The following ALG9 variants were observed in gnomAD, a reference collection of about 807,000 sequenced individuals.
The protein encoded by ALG9 is ALG9 alpha-1,2-mannosyltransferase, also known as alpha-1,2-mannosyltransferase ALG9.
In ALG9, 55 loss-of-function variants were observed where a neutral mutation model predicts 81.8. That is an observed-to-expected ratio of 0.67 (90% CI 0.54 to 0.84). The LOEUF is 0.84. Ranked by LOEUF, ALG9 falls within the 40% of genes least tolerant of loss-of-function variation. The pLI, the probability that ALG9 is intolerant of heterozygous loss-of-function variation, is 0.00. For missense variants in ALG9, 629 were observed against 745.0 expected, an observed-to-expected ratio of 0.84 and a Z score of 1.81; for synonymous variants, 278 against 274.3, an observed-to-expected ratio of 1.01 and a Z score of -0.13.
chr11:111,819,933 C>T (rs1952069742), intron 13 of ALG9, among the ~76,000 whole-genome samples: 1 of 152,248 alleles, frequency 6.6e-6, no homozygotes, highest in Non-Finnish European at 1.5e-5. Context: ...CAACTTCCAA[C>T]ACCACGCTGT....
the ALG9 span, among the ~76,000 whole-genome samples, chr11:111,773,898 G>C: frequency 6.6e-6 from 1 of 150,946 alleles, no homozygotes; most frequent in Non-Finnish European, 1.5e-5. Context: ...GGGATGACAA[G>C]TGTATGTCAC....
At chr11:111,780,880 A>G (rs1377538242), downstream of ALG9, among the ~76,000 whole-genome samples, 1 of 152,198 alleles carries the variant, frequency 6.6e-6, no homozygotes, top group Admixed American at 6.5e-5. Context: ...TTTGCCCCTC[A>G]TATGCCAACA....
intron 8 of ALG9, among the ~76,000 whole-genome samples, chr11:111,850,947 A>C (rs1957703841): frequency 6.6e-6 from 1 of 152,020 alleles, no homozygotes; most frequent in African/African-American, 2.4e-5. Flanking sequence ...AACTGAAGCT[A>C]TCTCAGGTTC....
At chr11:111,868,264 T>A (rs1963128353) in intron 3 of ALG9, among the ~76,000 whole-genome samples, 1 of 152,160 alleles carries the variant, frequency 6.6e-6, no homozygotes. Context: ...TCTACTTAAA[T>A]TAGACCCTCC....
chr11:111,805,189 C>A (rs977882006), intron 14 of ALG9: 2 of 452,536 alleles, frequency 4.4e-6, no homozygotes, highest in African/African-American at 4.0e-5. Flanking sequence ...TAAGAAGAGG[C>A]TAGAGAGCTA....
chr11:111,870,380 A>AAAC lies in ALG9; in HGVS notation c.132-11_132-10insGTT. On this transcript the variant is annotated splice_polypyrimidine_tract_variant and intron_variant, in intron 1 of 14. Coordinates refer to ENST00000616540, the MANE Select transcript of ALG9 (RefSeq NM_024740.2). ...TTTGTTCCCAGATAACCTGTTCAAA[A>AAAC]GCAAAAAAAAAAAAAAAAAAAAAAG... The AAAC allele has an allele frequency of 7.2e-7, 1 of 1,382,800 alleles. No individual in the cohort carries two copies. The highest frequency in any genetic ancestry group is 9.5e-7 in the Non-Finnish European group (1 of 1,051,624). 85.7% of individuals were successfully genotyped at this position (1,382,800 alleles called of 1,614,324 possible).
chr11:111,779,719 A>C (rs782220323), downstream of ALG9, among the ~76,000 whole-genome samples: 11 of 152,152 alleles, frequency 7.2e-5, no homozygotes, highest in Non-Finnish European at 1.5e-4. Context: ...CAAAACCAAA[A>C]ACAAACAAAA....
chr11:111,822,710 C>CA (rs1474129548), intron 13 of ALG9, among the ~76,000 whole-genome samples: 6 of 151,206 alleles, frequency 4.0e-5, no homozygotes, highest in African/African-American at 9.7e-5. Context: ...AACACCGTCT[C>CA]AAAAAACAAA....
chr11:111,787,042 A>G lies in ALG9; in HGVS notation c.1734-522T>C, dbSNP rs112273469. Among the ~76,000 whole-genome samples the G allele has an allele frequency of 6.8e-3, 1,032 of 152,322 alleles. 10 individuals carry two copies. The highest frequency in any genetic ancestry group is 0.023 in the African/African-American group (963 of 41,570). ...CATGTTGTGACAACATGTCCCTAGT[A>G]AATTATAATATATCTACTTATTACT... On this transcript the variant is annotated intron_variant, in intron 14 of 14. Transcript: ENST00000616540.
At chr11:111,827,458 A>C (rs1294141491) in intron 13 of ALG9, among the ~76,000 whole-genome samples, 1 of 151,392 alleles carries the variant, frequency 6.6e-6, no homozygotes, top group Non-Finnish European at 1.5e-5. Flanking sequence ...TCTCAAAAGA[A>C]GGAGATTATG....
intron 14 of ALG9, among the ~76,000 whole-genome samples, chr11:111,809,002 T>C (rs781816784): frequency 6.6e-6 from 1 of 152,186 alleles, no homozygotes; most frequent in Non-Finnish European, 1.5e-5. Flanking sequence ...AACATGAACT[T>C]CTAGTTCCTC....
intron 14 of ALG9, chr11:111,798,146 T>C: frequency 8.6e-6 from 2 of 232,434 alleles, no homozygotes; most frequent in Admixed American, 5.4e-5. Flanking sequence ...GAGGTTGCAG[T>C]GAACAGAGAT....
intron 8 of ALG9, among the ~76,000 whole-genome samples, chr11:111,850,063 T>C (rs895935400): frequency 2.4e-4 from 36 of 152,148 alleles, no homozygotes; most frequent in Non-Finnish European, 4.0e-4. Context: ...AAAATACAAG[T>C]CTTTTATGTA....
At chr11:111,852,706 C>T (rs1301862542) in intron 8 of ALG9, among the ~76,000 whole-genome samples, 1 of 152,058 alleles carries the variant, frequency 6.6e-6, no homozygotes, top group Non-Finnish European at 1.5e-5. Context: ...GAGGCCAAGG[C>T]GGGTGGATCA....
rs114827019 is a variant in ALG9, at chr11:111,871,167, G to C, written c.131+185C>G. ...TTACAGCGCAGTGGAGGGATCTAAG[G>C]TGGGCGAAGACTGAATGCTGACCCG... On this transcript the variant is annotated intron_variant, in intron 1 of 14. Coordinates refer to ENST00000616540, the MANE Select transcript of ALG9 (RefSeq NM_024740.2). 5,737 of 1,292,730 alleles carry C rather than the reference G, an allele frequency of 4.4e-3. 182 individuals carry two copies. The African/African-American group carries it at 0.075, about 17-fold the overall frequency. The allele number at this position is 1,292,730 out of a possible 1,614,324, so 80.1% of individuals were successfully genotyped here.
At chr11:111,817,476 T>A (rs552051904) in intron 13 of ALG9, 1 of 152,268 alleles carries the variant, frequency 6.6e-6, no homozygotes, top group African/African-American at 2.4e-5. Flanking sequence ...CACTCCAGGC[T>A]GGGAGACAGA....
intron 6 of ALG9, among the ~76,000 whole-genome samples, 156 bp downstream of exon 6, chr11:111,857,446 T>C (rs139665746): frequency 3.2e-3 from 494 of 152,356 alleles, no homozygotes; most frequent in African/African-American, 0.011. Flanking sequence ...TTAATCATAA[T>C]AGTAAGTGCT....
intron 4 of ALG9, among the ~76,000 whole-genome samples, chr11:111,861,082 G>A (rs1295211259): frequency 1.3e-5 from 2 of 152,238 alleles, no homozygotes; most frequent in Non-Finnish European, 2.9e-5. Flanking sequence ...AAAGTGCTTA[G>A]GAGAGTGCCT....
At chr11:111,862,226 G>A (rs1207040789) in intron 4 of ALG9, among the ~76,000 whole-genome samples, 4 of 144,004 alleles carry the variant, frequency 2.8e-5, no homozygotes, top group African/African-American at 1.0e-4. Context: ...TGGCTTACAT[G>A]TTTCTTTTTT....
Sources: gnomAD v4.1 joint callset for allele counts (sites outside exome capture counted in the v4.1 genomes callset) on GRCh38, gnomAD v4.1.1 for gene constraint, MANE v1.5 for transcripts, NCBI Gene and HGNC (gene_info 2026-07-23, HGNC 2026-07-21) for gene names.